HS6ST3: variants seen among roughly 807,000 people sequenced by gnomAD.
The protein encoded by HS6ST3 is heparan sulfate 6-O-sulfotransferase 3.
A neutral mutation model predicts 36.7 loss-of-function variants in HS6ST3; 12 were observed. The observed-to-expected ratio is 0.33, with a 90% CI of 0.21 to 0.53. The LOEUF (loss-of-function observed/expected upper bound fraction) is 0.53, where lower values mean the gene tolerates loss of function less well. Among genes scored for constraint, HS6ST3 ranks in the 20% least tolerant of loss-of-function variants. The probability of loss-of-function intolerance (pLI) is 0.95; values close to 1 mark genes in which losing one functional copy is unlikely to be tolerated. For synonymous variants in HS6ST3, 240 were observed against 257.5 expected, an observed-to-expected ratio of 0.93 and a Z score of 0.65; for missense variants, 584 against 640.9, an observed-to-expected ratio of 0.91 and a Z score of 0.96.
intron 1 of HS6ST3, among the ~76,000 whole-genome samples, chr13:96,639,126 G>T (rs926840371): frequency 1.3e-5 from 2 of 151,874 alleles, no homozygotes; most frequent in Non-Finnish European, 2.9e-5. Context: ...TTGAAAGTGG[G>T]TCATTGAAGT....
At chr13:96,555,004 C>G (rs1422884519) in intron 1 of HS6ST3, among the ~76,000 whole-genome samples, 1 of 151,978 alleles carries the variant, frequency 6.6e-6, no homozygotes, top group Non-Finnish European at 1.5e-5. Context: ...TGCTTGAGCC[C>G]AGGAGGTTGA....
At chr13:96,257,468 G>C (rs1417561486) in intron 1 of HS6ST3, among the ~76,000 whole-genome samples, 1 of 152,156 alleles carries the variant, frequency 6.6e-6, no homozygotes, top group Admixed American at 6.5e-5. Flanking sequence ...ACAAAGACTA[G>C]TGCCAAACTG....
chr13:96,714,423 A>G (rs1186907368), intron 1 of HS6ST3, among the ~76,000 whole-genome samples: 1 of 152,188 alleles, frequency 6.6e-6, no homozygotes, highest in African/African-American at 2.4e-5. Context: ...ATGATCAAGT[A>G]AAGGGAGAAT....
intron 1 of HS6ST3, among the ~76,000 whole-genome samples, chr13:96,322,609 G>A (rs2055009881): frequency 6.6e-6 from 1 of 151,452 alleles, no homozygotes. Context: ...AAAATAAAAT[G>A]CAATTTTTTT....
chr13:96,379,737 T>C (rs2055332087), intron 1 of HS6ST3, among the ~76,000 whole-genome samples: 1 of 152,216 alleles, frequency 6.6e-6, no homozygotes, highest in South Asian at 2.1e-4. Flanking sequence ...AAGTATAGTG[T>C]GGGCTTTAGA....
At chr13:96,738,312 A>G (rs938588149) in intron 1 of HS6ST3, among the ~76,000 whole-genome samples, 7 of 152,282 alleles carry the variant, frequency 4.6e-5, no homozygotes, top group African/African-American at 1.7e-4. Context: ...CTGCACCCAC[A>G]CATGCTAAGG....
chr13:96,508,693 A>G (rs545983804), intron 1 of HS6ST3, among the ~76,000 whole-genome samples: 1 of 152,238 alleles, frequency 6.6e-6, no homozygotes, highest in East Asian at 1.9e-4. Flanking sequence ...CTAAGTTGCT[A>G]CAAAAGACAT....
chr13:96,705,162 C>T (rs1875386430), intron 1 of HS6ST3, among the ~76,000 whole-genome samples: 1 of 152,084 alleles, frequency 6.6e-6, no homozygotes, highest in Non-Finnish European at 1.5e-5. Flanking sequence ...CATTCAGGCT[C>T]CCTCTTGGTG....
At chr13:96,578,075 G>T (rs2138966899) in intron 1 of HS6ST3, among the ~76,000 whole-genome samples, 1 of 152,312 alleles carries the variant, frequency 6.6e-6, no homozygotes, top group Non-Finnish European at 1.5e-5. Context: ...CCACACCAAA[G>T]TGGACTCTGG....
At chr13:96,725,292 G>A (rs956267890) in intron 1 of HS6ST3, among the ~76,000 whole-genome samples, 1 of 152,010 alleles carries the variant, frequency 6.6e-6, no homozygotes, top group Admixed American at 6.6e-5. Context: ...TATGTGATTT[G>A]CTAACATTTT....
intron 1 of HS6ST3, among the ~76,000 whole-genome samples, chr13:96,170,578 G>GTTTTT (rs1012038096): frequency 6.6e-6 from 1 of 151,036 alleles, no homozygotes; most frequent in Non-Finnish European, 1.5e-5. Context: ...GGGAGAGAGG[G>GTTTTT]TTTTTTTTTC....
At chr13:96,244,346 CAT>C (rs968175037) in intron 1 of HS6ST3, among the ~76,000 whole-genome samples, 7 of 152,092 alleles carry the variant, frequency 4.6e-5, no homozygotes, top group African/African-American at 1.7e-4. Context: ...CTAAAGTAAA[CAT>C]ATCGCATCAA....
chr13:96,741,051 A>C (rs773408366), intron 1 of HS6ST3, among the ~76,000 whole-genome samples: 1 of 152,228 alleles, frequency 6.6e-6, no homozygotes, highest in Non-Finnish European at 1.5e-5. Flanking sequence ...CACGAGGAGA[A>C]ACAATCCATT....
chr13:96,493,444 C>T lies in HS6ST3; in HGVS notation c.708-339046C>T, dbSNP rs145877510. Among the ~76,000 whole-genome samples, 702 of 152,136 alleles carry T rather than the reference C, an allele frequency of 4.6e-3. 6 individuals carry two copies. The highest frequency in any genetic ancestry group is 0.016 in the African/African-American group (647 of 41,510). The stretch of plus-strand genomic sequence containing the variant: ...ATCATTTAGGTTTTAGGAGGTTTTA[C>T]GGGGTTTAAAGTGGCTCATTATTAT... On this transcript the variant is annotated intron_variant, in intron 1 of 1. Transcript: ENST00000376705.
At chr13:96,298,030 A>G (rs2054863654) in intron 1 of HS6ST3, among the ~76,000 whole-genome samples, 2 of 152,192 alleles carry the variant, frequency 1.3e-5, no homozygotes, top group Non-Finnish European at 2.9e-5. Flanking sequence ...TTTCTTAAGA[A>G]AAAAAACCTG....
At chr13:96,519,913 T>C (rs2138926177) in intron 1 of HS6ST3, among the ~76,000 whole-genome samples, 1 of 152,300 alleles carries the variant, frequency 6.6e-6, no homozygotes, top group East Asian at 1.9e-4. Context: ...CCCTTCAATA[T>C]CAAAAATGAA....
chr13:96,121,512 A>G (rs922439327), intron 1 of HS6ST3, among the ~76,000 whole-genome samples: 1 of 152,202 alleles, frequency 6.6e-6, no homozygotes, highest in Non-Finnish European at 1.5e-5. Context: ...CTTTGATGCT[A>G]TCAAACAATG....
intron 1 of HS6ST3, among the ~76,000 whole-genome samples, chr13:96,205,426 G>A (rs928011221): frequency 1.3e-5 from 2 of 152,014 alleles, no homozygotes; most frequent in African/African-American, 4.8e-5. Context: ...CATTTCTACT[G>A]AAACTATTCC....
intron 1 of HS6ST3, among the ~76,000 whole-genome samples, chr13:96,804,897 A>C (rs1878160053): frequency 6.6e-6 from 1 of 152,228 alleles, no homozygotes; most frequent in Non-Finnish European, 1.5e-5. Context: ...TCTGTAATCC[A>C]TCTTTCTCCT....
Sources: allele counts gnomAD v4.1 joint callset (sites outside exome capture counted in the v4.1 genomes callset), GRCh38; gene constraint gnomAD v4.1.1; transcripts MANE v1.5; gene names NCBI Gene and HGNC (gene_info 2026-07-23, HGNC 2026-07-21).